Variants in EHBP1 observed in about 807,000 individuals in gnomAD.
The protein encoded by EHBP1 is EH domain binding protein 1.
In EHBP1, 55 loss-of-function variants were observed where a neutral mutation model predicts 144.0. That is an observed-to-expected ratio of 0.38 (90% CI 0.31 to 0.48). The LOEUF (loss-of-function observed/expected upper bound fraction) is 0.48. Among genes scored for constraint, EHBP1 ranks in the 20% least tolerant of loss-of-function variants. EHBP1 has a pLI of 0.98. For synonymous variants in EHBP1, 469 were observed against 472.7 expected (o/e 0.99, Z 0.10); for missense variants, 1,200 against 1,364.2 (o/e 0.88, Z 1.90).
chr2:62,921,546 T>TG (rs1266981390), intron 10 of EHBP1, among the ~76,000 whole-genome samples: 1 of 149,982 alleles, frequency 6.7e-6, no homozygotes, highest in Non-Finnish European at 1.5e-5. Context: ...AATTTCACTC[T>TG]GGAAAAAAAA....
chr2:62,754,578 C>T (rs972536179), intron 3 of EHBP1, among the ~76,000 whole-genome samples: 2 of 152,224 alleles, frequency 1.3e-5, no homozygotes, highest in African/African-American at 2.4e-5. Context: ...CAGCTATGCC[C>T]TGCCTCCAGA....
At chr2:62,737,172 C>T (rs916738968) in intron 2 of EHBP1, among the ~76,000 whole-genome samples, 2 of 152,158 alleles carry the variant, frequency 1.3e-5, no homozygotes, top group Non-Finnish European at 2.9e-5. Context: ...AGGCTAGGTT[C>T]TAGTTAAACA....
At chr2:62,734,072 A>G (rs1277005514) in intron 2 of EHBP1, among the ~76,000 whole-genome samples, 2 of 152,160 alleles carry the variant, frequency 1.3e-5, no homozygotes, top group African/African-American at 2.4e-5. Flanking sequence ...GACAGCTTCC[A>G]GGCTCCTGAC....
chr2:62,728,967 T>G (rs1474734003), intron 2 of EHBP1, among the ~76,000 whole-genome samples: 4 of 151,966 alleles, frequency 2.6e-5, no homozygotes, highest in Non-Finnish European at 4.4e-5. Context: ...TCTACTTTTA[T>G]TCTTTTGTAT....
chr2:62,845,930 A>G (rs955146678), intron 7 of EHBP1, among the ~76,000 whole-genome samples: 1 of 152,158 alleles, frequency 6.6e-6, no homozygotes, highest in Non-Finnish European at 1.5e-5. Flanking sequence ...AGGTAGGGCA[A>G]TTCTGATCCC....
At chr2:62,695,142 G>A (rs575791029) in intron 1 of EHBP1, among the ~76,000 whole-genome samples, 2 of 152,054 alleles carry the variant, frequency 1.3e-5, no homozygotes, top group Non-Finnish European at 2.9e-5. Flanking sequence ...CAGGGAGGGC[G>A]GCTTGAGCCC....
chr2:62,756,389 G>A (rs948554084), intron 3 of EHBP1, among the ~76,000 whole-genome samples: 8 of 152,138 alleles, frequency 5.3e-5, no homozygotes, highest in African/African-American at 7.2e-5. Flanking sequence ...TCCTGAATAC[G>A]TTAGAATCAT....
intron 13 of EHBP1, among the ~76,000 whole-genome samples, chr2:62,951,410 G>C (rs2057373569): frequency 6.6e-6 from 1 of 151,736 alleles, no homozygotes; most frequent in Non-Finnish European, 1.5e-5. Flanking sequence ...CTCTCTGAAA[G>C]CTTTCAGGAC....
In EHBP1 at chr2:62,858,361, A is replaced by G. The variant is rs753542938; in HGVS notation, c.635-808A>G. The stretch of plus-strand genomic sequence containing the variant: ...AGCATGCTCCTACTTCTCTTTAATT[A>G]AATGACCTTACCTTATATTTGTCTT... On this transcript the variant is annotated intron_variant, in intron 7 of 22. Transcript: ENST00000431489. 11 of 1,333,228 alleles carry G rather than the reference A, an allele frequency of 8.3e-6. No homozygotes were observed. The South Asian group carries it at 1.4e-4, about 17-fold the overall frequency. 82.6% of individuals were successfully genotyped at this position (1,333,228 alleles called of 1,614,324 possible).
chr2:62,944,660 T>C (rs2056962148), intron 12 of EHBP1, among the ~76,000 whole-genome samples: 1 of 152,178 alleles, frequency 6.6e-6, no homozygotes, highest in Non-Finnish European at 1.5e-5. Flanking sequence ...GATCAGAACT[T>C]CCCAACTGGT....
chr2:62,968,590 C>CTGCAGGACAGTTT (rs2153164742), intron 14 of EHBP1, among the ~76,000 whole-genome samples: 1 of 152,202 alleles, frequency 6.6e-6, no homozygotes, highest in South Asian at 2.1e-4. Context: ...CTGAATGGAA[C>CTGCAGGACAGTTT]TGCAGGACAG....
intron 3 of EHBP1, among the ~76,000 whole-genome samples, chr2:62,758,281 G>C (rs1263347080): frequency 6.6e-6 from 1 of 151,992 alleles, no homozygotes; most frequent in Non-Finnish European, 1.5e-5. Flanking sequence ...GCTAAGTTTT[G>C]TATTTTTAGT....
chr2:62,705,864 AG>A lies in EHBP1; in HGVS notation c.-480del. On this transcript the variant is annotated 5_prime_UTR_variant, in exon 1 of 23. Coordinates refer to ENST00000431489, the MANE Select transcript of EHBP1 (RefSeq NM_001142616.3). Reference sequence around the variant, plus strand: ...ATCTGTCAGGGAGGGGGTGGGCGTGAGGGGCGCCGTCCGCCTGAGGGGCTGC... The same window carrying A: ...ATCTGTCAGGGAGGGGGTGGGCGTGAGGGCGCCGTCCGCCTGAGGGGCTGC... The A allele has an allele frequency of 7.4e-6, 1 of 135,786 alleles. No individual in the cohort carries two copies. The highest frequency in any genetic ancestry group is 1.6e-5 in the Non-Finnish European group (1 of 63,472). 8.4% of individuals were successfully genotyped at this position (135,786 alleles called of 1,614,324 possible). A position where few individuals can be genotyped will look rare whatever the true frequency, so the allele number is the denominator to read the frequency against.
At chr2:62,890,919 G>A (rs1261744177) in intron 10 of EHBP1, among the ~76,000 whole-genome samples, 6 of 152,144 alleles carry the variant, frequency 3.9e-5, no homozygotes, top group Admixed American at 2.0e-4. Flanking sequence ...GGCGGCTCAC[G>A]CCTGTAATCC....
intron 14 of EHBP1, among the ~76,000 whole-genome samples, chr2:62,974,619 C>A: frequency 6.6e-6 from 1 of 152,026 alleles, no homozygotes; most frequent in South Asian, 2.1e-4. Context: ...CTTCTCTATC[C>A]CCTGTGCTTA....
chr2:62,858,335 C>A, intron 7 of EHBP1: 1 of 971,164 alleles, frequency 1.0e-6, no homozygotes, highest in Non-Finnish European at 1.6e-6. Context: ...TTTTGGGTAA[C>A]AGCATGCTCC....
intron 1 of EHBP1, among the ~76,000 whole-genome samples, chr2:62,692,254 C>T (rs1157129563): frequency 6.6e-6 from 1 of 152,154 alleles, no homozygotes; most frequent in Non-Finnish European, 1.5e-5. Context: ...TATGATAATG[C>T]CACATTTTGT....
At chr2:62,803,145 T>A (rs1558696201) in intron 5 of EHBP1, among the ~76,000 whole-genome samples, 1 of 152,192 alleles carries the variant, frequency 6.6e-6, no homozygotes, top group Non-Finnish European at 1.5e-5. Flanking sequence ...ATTTAACTGT[T>A]CTTCTGCAGG....
At chr2:62,796,379 T>C (rs2043538062) in intron 5 of EHBP1, among the ~76,000 whole-genome samples, 1 of 152,132 alleles carries the variant, frequency 6.6e-6, no homozygotes, top group Non-Finnish European at 1.5e-5. Context: ...GCCTTCAAAA[T>C]AGGGGTATTA....
Sources: allele counts gnomAD v4.1 joint callset (sites outside exome capture counted in the v4.1 genomes callset), GRCh38; gene constraint gnomAD v4.1.1; transcripts MANE v1.5; gene names NCBI Gene and HGNC (gene_info 2026-07-23, HGNC 2026-07-21).